The following ARL5A variants were observed in gnomAD, a reference collection of about 807,000 sequenced individuals.
ARL5A encodes the protein ARF like GTPase 5A.
In ARL5A, 18 loss-of-function variants were observed where a neutral mutation model predicts 25.9. The ratio of observed to expected loss-of-function variants is 0.69; its 90% CI spans 0.48 to 1.03. The LOEUF (loss-of-function observed/expected upper bound fraction) is 1.03, where lower values mean the gene tolerates loss of function less well. ARL5A is among the 50% of genes least tolerant of loss of function. The probability of loss-of-function intolerance (pLI) is 0.00; values close to 1 mark genes in which losing one functional copy is unlikely to be tolerated. For synonymous variants in ARL5A, 61 were observed against 67.5 expected, an observed-to-expected ratio of 0.90 and a Z score of 0.47; for missense variants, 170 against 211.9, an observed-to-expected ratio of 0.80 and a Z score of 1.23.
Position 151,815,284 on chromosome 2 carries a change from A to T in ARL5A, c.47-85T>A. On this transcript the variant is annotated intron_variant, in intron 1 of 5. Transcript: ENST00000295087. The stretch of plus-strand genomic sequence containing the variant: ...TAGGAAAAAATATACTCTGTATCTC[A>T]CCCTTCTATCTATGGCATAATTCAG... The T allele has an allele frequency of 4.6e-6, 5 of 1,091,288 alleles. 1 individual carries two copies. In the South Asian group the frequency reaches 7.2e-5, roughly 16 times the overall value. 67.6% of individuals were successfully genotyped at this position (1,091,288 alleles called of 1,614,324 possible).
At chr2:151,825,174 G>A (rs2099832886) in intron 1 of ARL5A, among the ~76,000 whole-genome samples, 1 of 152,116 alleles carries the variant, frequency 6.6e-6, no homozygotes, top group African/African-American at 2.4e-5. Context: ...TAAAATATTT[G>A]TTTATTGAGA....
At chr2:151,810,541 A>G (rs1449834880) in intron 4 of ARL5A, 1 of 444,234 alleles carries the variant, frequency 2.3e-6, no homozygotes, top group Admixed American at 2.5e-5. Context: ...ACTAGGCCCT[A>G]CTTAGGTCTT....
chr2:151,828,102 C>T, intron 1 of ARL5A, 29 bp downstream of exon 1: 1 of 1,605,826 alleles, frequency 6.2e-7, no homozygotes, highest in South Asian at 1.1e-5. Flanking sequence ...CTCTCCCCAA[C>T]CCGTACGCCC....
Position 151,827,021 on chromosome 2 carries a change from T to G in ARL5A, c.46+1110A>C, listed in dbSNP as rs530409856. Among the ~76,000 whole-genome samples the G allele has an allele frequency of 2.6e-5, 4 of 152,246 alleles. 1 individual carries two copies. Among genetic ancestry groups the G allele is most frequent in the African/African-American group, 9.6e-5 (4 of 41,538 alleles). On this transcript the variant is annotated intron_variant, in intron 1 of 5. Transcript: ENST00000295087. Reference sequence around the variant, plus strand: ...TAAGCTTCTTAAAAGAGCAGCTAGATCATGAAGGAGGAGGTGGTAGTAGTA... The same window carrying G: ...TAAGCTTCTTAAAAGAGCAGCTAGAGCATGAAGGAGGAGGTGGTAGTAGTA...
At chr2:151,821,049 A>G (rs1428406745) in intron 1 of ARL5A, among the ~76,000 whole-genome samples, 1 of 152,228 alleles carries the variant, frequency 6.6e-6, no homozygotes, top group Middle Eastern at 3.2e-3. Context: ...GCTAAGCCTT[A>G]GCCCAAATCT....
chr2:151,809,884 C>A (rs1217206389), intron 4 of ARL5A, among the ~76,000 whole-genome samples: 1 of 152,146 alleles, frequency 6.6e-6, no homozygotes, highest in African/African-American at 2.4e-5. Context: ...GAGTTCGAGA[C>A]CAGCCTGGCC....
intron 4 of ARL5A, chr2:151,810,707 C>T: frequency 3.9e-6 from 1 of 255,638 alleles, no homozygotes. Flanking sequence ...ATGCCCCCAG[C>T]TAGTAAAAAT....
intron 1 of ARL5A, among the ~76,000 whole-genome samples, chr2:151,820,961 G>C (rs2099832223): frequency 6.6e-6 from 1 of 152,168 alleles, no homozygotes; most frequent in Non-Finnish European, 1.5e-5. Context: ...CCTTCTGTCT[G>C]CACCTGAAAG....
At chr2:151,817,108 T>C (rs1186871621) in intron 1 of ARL5A, among the ~76,000 whole-genome samples, 3 of 152,362 alleles carry the variant, frequency 2.0e-5, no homozygotes, top group East Asian at 3.9e-4. Context: ...GCTGCACATA[T>C]GTTCACAGCA....
intron 1 of ARL5A, among the ~76,000 whole-genome samples, chr2:151,825,799 T>G (rs958420165): frequency 6.6e-6 from 1 of 151,298 alleles, no homozygotes; most frequent in Non-Finnish European, 1.5e-5. Flanking sequence ...CCAACACATA[T>G]CTAACTTATA....
chr2:151,822,161 ACT>A (rs1158165005), intron 1 of ARL5A, among the ~76,000 whole-genome samples: 1 of 152,016 alleles, frequency 6.6e-6, no homozygotes, highest in Non-Finnish European at 1.5e-5. Flanking sequence ...TCAGAAGTTT[ACT>A]GTGCCTGGCC....
intron 4 of ARL5A, among the ~76,000 whole-genome samples, chr2:151,807,669 T>A (rs972197573): frequency 3.9e-5 from 6 of 152,234 alleles, no homozygotes; most frequent in Non-Finnish European, 8.8e-5. Flanking sequence ...ACCAATCCTA[T>A]TCACCCTAAT....
At position 151,814,160 on chromosome 2, in the gene ARL5A, A is replaced by G; in HGVS notation, c.255+9T>C. 1 of 1,560,022 alleles carries G rather than the reference A, an allele frequency of 6.4e-7. No homozygotes were observed. The highest frequency in any genetic ancestry group is 8.6e-7 in the Non-Finnish European group (1 of 1,161,084). ...TTTATAGAATTTTAAATATTGTAAG[A>G]AACATTACCTCTGTGTTAGTATAGT... On this transcript the variant is annotated intron_variant, in intron 3 of 5. Coordinates refer to ENST00000295087, the MANE Select transcript of ARL5A (RefSeq NM_012097.4).
chr2:151,823,307 T>A (rs2099832603), intron 1 of ARL5A, among the ~76,000 whole-genome samples: 1 of 152,192 alleles, frequency 6.6e-6, no homozygotes. Context: ...GTATTAAAAG[T>A]TCAATTTTTA....
chr2:151,823,721 G>A (rs1312819820), intron 1 of ARL5A, among the ~76,000 whole-genome samples: 4 of 152,204 alleles, frequency 2.6e-5, no homozygotes, highest in African/African-American at 9.6e-5. Flanking sequence ...GTGGTGAGGT[G>A]CCAGTGGAAC....
rs1390271732 is a variant in ARL5A at position 151,828,346 on chromosome 2, CCTGCCGCGCGCAAGGCCCCGCCG to C, written c.-193_-171del. 3 of 536,698 alleles carry C rather than the reference CCTGCCGCGCGCAAGGCCCCGCCG, an allele frequency of 5.6e-6. No individual in the cohort carries two copies. The highest frequency in any genetic ancestry group is 3.6e-5 in the East Asian group (1 of 27,634). The allele number at this position is 536,698 out of a possible 1,614,324, so 33.2% of individuals were successfully genotyped here. On this transcript the variant is annotated 5_prime_UTR_variant, in exon 1 of 6. The change abolishes the stop of an existing upstream ORF in the 5' untranslated region. Coordinates refer to ENST00000295087, the MANE Select transcript of ARL5A (RefSeq NM_012097.4). ...GGAGGGAGGCCGAAGCCCAGGCCGC[CCTGCCGCGCGCAAGGCCCCGCCG>C]CTGCCGCCGCGGCACTCGCCTGGCT...
intron 4 of ARL5A, among the ~76,000 whole-genome samples, chr2:151,809,949 G>A (rs990809073): frequency 6.6e-6 from 1 of 152,150 alleles, no homozygotes; most frequent in African/African-American, 2.4e-5. Context: ...CTGGCGTGGT[G>A]GTGGGCGCCT....
At position 151,799,618 on chromosome 2, in the gene ARL5A, AT is replaced by A. The variant is rs1352923112; in HGVS notation, c.*3657del. The A allele has an allele frequency of 6.6e-6, 1 of 152,244 alleles. No homozygotes were observed. Among genetic ancestry groups the A allele is most frequent in the East Asian group, 1.9e-4 (1 of 5,204 alleles). 9.4% of individuals were successfully genotyped at this position (152,244 alleles called of 1,614,324 possible). ...AACATGTGAAGTTAAATTAAGAAGCATGAAAATGTTAAATATAATTTAAAGA... is the reference window on the plus strand; with the variant it reads ...AACATGTGAAGTTAAATTAAGAAGCAGAAAATGTTAAATATAATTTAAAGA... On this transcript the variant is annotated 3_prime_UTR_variant, in exon 6 of 6. Transcript: ENST00000295087.
In ARL5A at chr2:151,806,484, C is replaced by T. The variant is rs535335747; in HGVS notation, c.491+337G>A. On this transcript the variant is annotated intron_variant, in intron 5 of 5. Coordinates refer to ENST00000295087, the MANE Select transcript of ARL5A (RefSeq NM_012097.4). ...AAACACTCCAGACATAGGACATGCTCGGCACATGTCAGGTCTTCAGTTCCA... is the reference window on the plus strand; with the variant it reads ...AAACACTCCAGACATAGGACATGCTTGGCACATGTCAGGTCTTCAGTTCCA... Among the ~76,000 whole-genome samples, 15 of 152,290 alleles carry T rather than the reference C, an allele frequency of 9.8e-5. No individual in the cohort carries two copies. The East Asian group carries it at 2.9e-3, about 29-fold the overall frequency.
Sources: gnomAD v4.1 joint callset for allele counts (sites outside exome capture counted in the v4.1 genomes callset) on GRCh38, gnomAD v4.1.1 for gene constraint, MANE v1.5 for transcripts, NCBI Gene and HGNC (gene_info 2026-07-23, HGNC 2026-07-21) for gene names.